The following PRKG1 variants were observed in gnomAD, a reference collection of about 807,000 sequenced individuals.
PRKG1 encodes the protein cGMP-dependent protein kinase 1.
Under a neutral mutation model 88.1 loss-of-function variants are expected in PRKG1, and 35 were observed. The ratio of observed to expected loss-of-function variants is 0.40; its 90% CI spans 0.30 to 0.53. The LOEUF (loss-of-function observed/expected upper bound fraction) is 0.53. Among genes scored for constraint, PRKG1 ranks in the 20% least tolerant of loss-of-function variants. The pLI, the probability that PRKG1 is intolerant of heterozygous loss-of-function variation, is 0.59. For synonymous variants in PRKG1, 303 were observed against 292.5 expected (o/e 1.04, Z -0.37); for missense variants, 540 against 839.8 (o/e 0.64, Z 4.41).
intron 5 of PRKG1, among the ~76,000 whole-genome samples, chr10:51,925,098 C>A (rs1842544782): frequency 6.6e-6 from 1 of 151,058 alleles, no homozygotes. Flanking sequence ...AATTTGTTTG[C>A]TTTTATGTTT....
At chr10:52,272,556 G>T in intron 12 of PRKG1, 75 bp downstream of exon 12, 2 of 993,750 alleles carry the variant, frequency 2.0e-6, no homozygotes, top group South Asian at 1.4e-5. Flanking sequence ...GAGTTAATAT[G>T]ATAAAGTATA....
At chr10:51,463,198 G>GT (rs373391792) in intron 2 of PRKG1, among the ~76,000 whole-genome samples, 77 of 151,172 alleles carry the variant, frequency 5.1e-4, no homozygotes, top group Non-Finnish European at 8.1e-4. Context: ...AATGTCTTCT[G>GT]TTTTTTTTTA....
At chr10:51,280,449 A>C (rs1007447490) in intron 2 of PRKG1, among the ~76,000 whole-genome samples, 3 of 152,160 alleles carry the variant, frequency 2.0e-5, no homozygotes, top group African/African-American at 7.2e-5. Context: ...CTCCTGGATA[A>C]TATCCTGCAG....
chr10:51,183,553 G>GTTT (rs3061225), intron 2 of PRKG1, among the ~76,000 whole-genome samples: 84,866 of 151,624 alleles, frequency 0.56, 25,444 homozygotes, highest in African/African-American at 0.8. Context: ...ATGTTGTATT[G>GTTT]TTGCATTTTA....
chr10:51,272,055 T>G (rs1287501298), intron 2 of PRKG1, among the ~76,000 whole-genome samples: 1 of 152,202 alleles, frequency 6.6e-6, no homozygotes, highest in Non-Finnish European at 1.5e-5. Context: ...GGGTTCCTAT[T>G]TCTCCACATC....
At chr10:51,525,079 A>G (rs1328173390) in intron 3 of PRKG1, among the ~76,000 whole-genome samples, 1 of 152,104 alleles carries the variant, frequency 6.6e-6, no homozygotes, top group Non-Finnish European at 1.5e-5. Flanking sequence ...AGTATAAAGC[A>G]CATCACACAA....
At chr10:51,364,479 A>G (rs1043403710) in intron 2 of PRKG1, among the ~76,000 whole-genome samples, 2 of 152,104 alleles carry the variant, frequency 1.3e-5, no homozygotes, top group Admixed American at 1.3e-4. Context: ...ACTAAGATCC[A>G]TATGTTTAAT....
chr10:51,195,999 C>T (rs1362800211), intron 2 of PRKG1, among the ~76,000 whole-genome samples: 2 of 152,114 alleles, frequency 1.3e-5, no homozygotes, highest in East Asian at 3.9e-4. Context: ...TGAAAACATA[C>T]TTCAATCTTG....
chr10:52,128,439 C>T (rs1048052295), intron 7 of PRKG1: 5 of 985,282 alleles, frequency 5.1e-6, no homozygotes, highest in Non-Finnish European at 4.8e-6. Flanking sequence ...CCAGAAGAGC[C>T]GATGTAAATT....
intron 1 of PRKG1, among the ~76,000 whole-genome samples, chr10:50,999,505 A>T (rs945235828): frequency 1.3e-5 from 2 of 152,218 alleles, no homozygotes; most frequent in African/African-American, 4.8e-5. Context: ...AGTCCAATTT[A>T]GAGAGTACTT....
intron 5 of PRKG1, among the ~76,000 whole-genome samples, chr10:52,038,305 G>A (rs951567740): frequency 1.3e-5 from 2 of 151,690 alleles, no homozygotes; most frequent in Admixed American, 1.3e-4. Flanking sequence ...GGGTTCGGGG[G>A]TTCTTACCTT....
chr10:51,247,655 T>C (rs924638864), intron 2 of PRKG1, among the ~76,000 whole-genome samples: 4 of 151,966 alleles, frequency 2.6e-5, no homozygotes, highest in South Asian at 2.1e-4. Context: ...TGCATCCCCA[T>C]AGAAGGCACC....
intron 2 of PRKG1, among the ~76,000 whole-genome samples, chr10:51,338,005 C>A (rs1841919068): frequency 6.6e-6 from 1 of 152,100 alleles, no homozygotes. Flanking sequence ...AACTCAAATA[C>A]CCATCAAAGA....
intron 3 of PRKG1, among the ~76,000 whole-genome samples, chr10:51,763,516 G>A (rs1212022796): frequency 1.3e-5 from 2 of 151,008 alleles, no homozygotes; most frequent in African/African-American, 4.9e-5. Flanking sequence ...GCCTTCCAAA[G>A]TGCTGGGATT....
chr10:51,152,986 T>G (rs991530449), intron 1 of PRKG1, among the ~76,000 whole-genome samples, 178 bp from the exon 2 acceptor site: 3 of 148,152 alleles, frequency 2.0e-5, no homozygotes, highest in Non-Finnish European at 3.0e-5. Context: ...CTTTTTTTTT[T>G]TTTTTTTGTT....
chr10:51,820,750 G>A (rs1427670125), intron 4 of PRKG1, among the ~76,000 whole-genome samples: 1 of 152,108 alleles, frequency 6.6e-6, no homozygotes, highest in African/African-American at 2.4e-5. Flanking sequence ...TGTACGCACT[G>A]GGTTTTCATG....
At chr10:51,035,505 C>T (rs997815529) in intron 1 of PRKG1, among the ~76,000 whole-genome samples, 4 of 152,018 alleles carry the variant, frequency 2.6e-5, no homozygotes, top group Non-Finnish European at 4.4e-5. Flanking sequence ...TAACATAACA[C>T]CTGGGTGATA....
chr10:51,592,580 C>T (rs933415363), intron 3 of PRKG1, among the ~76,000 whole-genome samples: 3 of 152,120 alleles, frequency 2.0e-5, no homozygotes, highest in Admixed American at 6.6e-5. Context: ...CCATGGCCTT[C>T]GTCTGTCCCT....
intron 3 of PRKG1, among the ~76,000 whole-genome samples, chr10:51,553,763 G>A (rs958186359): frequency 9.2e-5 from 12 of 130,498 alleles, no homozygotes; most frequent in Admixed American, 2.4e-4. Context: ...TATTAGATAC[G>A]TGTATATAAT....
Sources: allele counts gnomAD v4.1 joint callset (sites outside exome capture counted in the v4.1 genomes callset), GRCh38; gene constraint gnomAD v4.1.1; transcripts MANE v1.5; gene names NCBI Gene and HGNC (gene_info 2026-07-23, HGNC 2026-07-21).